BUB3: variants seen among roughly 807,000 people sequenced by gnomAD.
BUB3 encodes mitotic checkpoint protein BUB3.
BUB3 carries 22 observed loss-of-function variants against 39.9 expected under a neutral mutation model. The observed-to-expected ratio is 0.55, with a 90% CI of 0.39 to 0.79. The LOEUF is 0.79. BUB3 is among the 30% of genes least tolerant of loss of function. BUB3 has a pLI of 0.00. For missense variants in BUB3, 303 were observed against 415.4 expected, an observed-to-expected ratio of 0.73 and a Z score of 2.35; for synonymous variants, 168 against 155.1, an observed-to-expected ratio of 1.08 and a Z score of -0.62.
At position 123,162,722 on chromosome 10, in the gene BUB3, A is replaced by G. The variant is rs1844441053; in HGVS notation, c.865A>G (p.Thr289Ala). ...IASLAFSNDG[T>A]TLAIASSYMY... is the part of the protein sequence containing the mutation. The stretch of plus-strand genomic sequence containing the variant: ...ATCACTTGCCTTCAGTAATGATGGG[A>G]CTACGCTTGCAATAGCGTCATCATA... Residue 289 changes from threonine to alanine, a missense_variant, in exon 7 of 8, where the codon ACT becomes GCT. By Grantham distance (58) the Thr-to-Ala change is moderately conservative. Transcript: ENST00000368865. The G allele has an allele frequency of 1.2e-6, 2 of 1,613,974 alleles. No homozygotes were observed.
chr10:123,163,689 T>C, intron 7 of BUB3, 131 bp from the exon 8 acceptor site: 1 of 765,676 alleles, frequency 1.3e-6, no homozygotes, highest in Non-Finnish European at 2.1e-6. Context: ...GGTTTGACTT[T>C]AGAAAAGTCT....
chr10:123,164,424 G>T lies in BUB3; in HGVS notation c.*589G>T. 1.0e-6 allele frequency: 1 copy of T among 985,602 alleles called. No individual in the cohort carries two copies. Among genetic ancestry groups the T allele is most frequent in the Non-Finnish European group, 1.2e-6 (1 of 830,088 alleles). 61.1% of individuals were successfully genotyped at this position (985,602 alleles called of 1,614,324 possible). A position where few individuals can be genotyped will look rare whatever the true frequency, so the allele number is the denominator to read the frequency against. On this transcript the variant is annotated 3_prime_UTR_variant, in exon 8 of 8. Coordinates refer to ENST00000368865, the MANE Select transcript of BUB3 (RefSeq NM_004725.4). Reference sequence around the variant, plus strand: ...TCAGCTAGTTTTCAATCTTATTAGGGTGCAGAAGGAAAACTAATAAGAAAA... The same window carrying T: ...TCAGCTAGTTTTCAATCTTATTAGGTTGCAGAAGGAAAACTAATAAGAAAA...
In BUB3 at chr10:123,160,094, C is replaced by T. The variant is rs147469636; in HGVS notation, c.418-313C>T. On this transcript the variant is annotated intron_variant, in intron 4 of 7. Transcript: ENST00000368865. The stretch of plus-strand genomic sequence containing the variant: ...ACTTTTATGTTGTCTCTAAATGAAA[C>T]ATGAAGGCTAGGAAAAATAGTTTAA... 5.9e-3 allele frequency among the ~76,000 whole-genome samples: 902 copies of T among 152,008 alleles called. 9 individuals carry two copies. The highest frequency in any genetic ancestry group is 0.021 in the African/African-American group (857 of 41,420).
At chr10:123,160,992 T>G (rs1844414981) in intron 5 of BUB3, among the ~76,000 whole-genome samples, 1 of 152,196 alleles carries the variant, frequency 6.6e-6, no homozygotes, top group Admixed American at 6.5e-5. Context: ...CCCTAATGCT[T>G]ATGGAGTTCT....
chr10:123,163,678 A>G (rs1844452754), intron 7 of BUB3, 142 bp from the exon 8 acceptor site: 1 of 673,750 alleles, frequency 1.5e-6, no homozygotes, highest in Non-Finnish European at 2.5e-6. Flanking sequence ...ATGCTTTTAC[A>G]GGTTTGACTT....
Position 123,163,817 on chromosome 10 carries a change from T to C in BUB3, c.972-3T>C. Reference sequence around the variant, plus strand: ...CTGTTCTTTTTTTCTTTTGAACTTGTAGGTCACCATGTACTTGACAAGATT... The same window carrying C: ...CTGTTCTTTTTTTCTTTTGAACTTGCAGGTCACCATGTACTTGACAAGATT... On this transcript the variant is annotated splice_polypyrimidine_tract_variant and splice_region_variant and intron_variant, in intron 7 of 7. Transcript: ENST00000368865. 6.2e-7 allele frequency: 1 copy of C among 1,607,168 alleles called. No homozygotes were observed. Among genetic ancestry groups the C allele is most frequent in the Non-Finnish European group, 8.5e-7 (1 of 1,174,554 alleles).
intron 1 of BUB3, 82 bp from the exon 2 acceptor site, chr10:123,154,836 T>TG (rs893424103): frequency 6.8e-7 from 1 of 1,476,960 alleles, no homozygotes. Context: ...CCCCTCCCTC[T>TG]GGGGGGACCC....
chr10:123,154,786 C>A, intron 1 of BUB3, 132 bp from the exon 2 acceptor site: 1 of 986,490 alleles, frequency 1.0e-6, no homozygotes, highest in South Asian at 1.7e-5. Context: ...GTGCTCGGCG[C>A]AGGCGCAAGC....
At chr10:123,154,887 C>A in intron 1 of BUB3, 31 bp from the exon 2 acceptor site, 2 of 1,587,690 alleles carry the variant, frequency 1.3e-6, no homozygotes, top group East Asian at 2.3e-5. Context: ...GCCCGCGGGA[C>A]CCCTGGGGAC....
rs1053521535 is a variant in BUB3 at position 123,164,319 on chromosome 10, G to A, written c.*484G>A. Reference sequence around the variant, plus strand: ...AATTAAACAATATTTCCTCTTGGCCGTCCATTATTTTCTGAAGCAGATGGT... The same window carrying A: ...AATTAAACAATATTTCCTCTTGGCCATCCATTATTTTCTGAAGCAGATGGT... On this transcript the variant is annotated 3_prime_UTR_variant, in exon 8 of 8. Coordinates refer to ENST00000368865, the MANE Select transcript of BUB3 (RefSeq NM_004725.4). The A allele has an allele frequency of 8.1e-6, 8 of 985,706 alleles. No homozygotes were observed. The East Asian group carries it at 3.4e-4, about 42-fold the overall frequency. 61.1% of individuals were successfully genotyped at this position (985,706 alleles called of 1,614,324 possible).
Position 123,167,814 on chromosome 10 carries a change from A to T in BUB3, c.*3979A>T, listed in dbSNP as rs1481318984. On this transcript the variant is annotated 3_prime_UTR_variant, in exon 8 of 8. Coordinates refer to ENST00000368865, the MANE Select transcript of BUB3 (RefSeq NM_004725.4). ...TATTTGATGAAAATTGTATATATTT[A>T]AGGTATATAATGTTTTGATACATGT... 2 of 152,198 alleles carry T rather than the reference A, an allele frequency of 1.3e-5. No individual in the cohort carries two copies. Among genetic ancestry groups the T allele is most frequent in the Non-Finnish European group, 2.9e-5 (2 of 68,026 alleles). The allele number at this position is 152,198 out of a possible 1,614,324, so 9.4% of individuals were successfully genotyped here. A position where few individuals can be genotyped will look rare whatever the true frequency, so the allele number is the denominator to read the frequency against.
intron 5 of BUB3, among the ~76,000 whole-genome samples, chr10:123,161,738 CTT>C (rs1844426208): frequency 6.6e-6 from 1 of 152,268 alleles, no homozygotes; most frequent in South Asian, 2.1e-4. Context: ...CCCTGAAAGT[CTT>C]TGTGCAAACC....
Position 123,164,859 on chromosome 10 carries a change from A to G in BUB3, c.*1024A>G. Reference sequence around the variant, plus strand: ...TAGTATTTTTGTTGTCAAACTTTAAAATTTATATTAATTTGCAAATGTATG... The same window carrying G: ...TAGTATTTTTGTTGTCAAACTTTAAGATTTATATTAATTTGCAAATGTATG... On this transcript the variant is annotated 3_prime_UTR_variant, in exon 8 of 8. Coordinates refer to ENST00000368865, the MANE Select transcript of BUB3 (RefSeq NM_004725.4). 1 of 1,357,574 alleles carries G rather than the reference A, an allele frequency of 7.4e-7. No individual in the cohort carries two copies. The highest frequency in any genetic ancestry group is 9.5e-7 in the Non-Finnish European group (1 of 1,056,688). 84.1% of individuals were successfully genotyped at this position (1,357,574 alleles called of 1,614,324 possible). A position where few individuals can be genotyped will look rare whatever the true frequency, so the allele number is the denominator to read the frequency against.
intron 1 of BUB3, 82 bp from the exon 2 acceptor site, chr10:123,154,836 T>A (rs1222637958): frequency 1.4e-6 from 2 of 1,476,844 alleles, no homozygotes; most frequent in African/African-American, 2.8e-5. Flanking sequence ...CCCCTCCCTC[T>A]GGGGGGACCC....
At chr10:123,156,642 G>A (rs149744889) in intron 3 of BUB3, among the ~76,000 whole-genome samples, 5 of 152,288 alleles carry the variant, frequency 3.3e-5, no homozygotes, top group African/African-American at 1.2e-4. Context: ...TAGGGGTAGG[G>A]AGAAACACTG....
chr10:123,157,213 C>G (rs899136033), intron 3 of BUB3, among the ~76,000 whole-genome samples: 2 of 152,204 alleles, frequency 1.3e-5, no homozygotes, highest in African/African-American at 4.8e-5. Context: ...GGACTTCACT[C>G]CCAGTTCTCA....
intron 5 of BUB3, 81 bp downstream of exon 5, chr10:123,160,646 T>A: frequency 8.0e-7 from 1 of 1,256,628 alleles, no homozygotes; most frequent in Non-Finnish European, 1.0e-6. Context: ...CACTAGCCCC[T>A]AAAGCCTTCT....
chr10:123,164,342 G>A lies in BUB3; in HGVS notation c.*507G>A. Reference sequence around the variant, plus strand: ...CCGTCCATTATTTTCTGAAGCAGATGGTTCATCATTTCCTGGGCTGTTAAA... The same window carrying A: ...CCGTCCATTATTTTCTGAAGCAGATAGTTCATCATTTCCTGGGCTGTTAAA... On this transcript the variant is annotated 3_prime_UTR_variant, in exon 8 of 8. Transcript: ENST00000368865. The A allele has an allele frequency of 3.0e-6, 3 of 985,822 alleles. No homozygotes were observed. The highest frequency in any genetic ancestry group is 3.6e-6 in the Non-Finnish European group (3 of 830,332). The allele number at this position is 985,822 out of a possible 1,614,324, so 61.1% of individuals were successfully genotyped here. A position where few individuals can be genotyped will look rare whatever the true frequency, so the allele number is the denominator to read the frequency against.
chr10:123,157,667 A>G, intron 3 of BUB3, 62 bp from the exon 4 acceptor site: 1 of 1,465,596 alleles, frequency 6.8e-7, no homozygotes, highest in African/African-American at 1.4e-5. Flanking sequence ...TTATTTTAGG[A>G]ATCTTTAGTA....
Sources: allele counts gnomAD v4.1 joint callset (sites outside exome capture counted in the v4.1 genomes callset), GRCh38; gene constraint gnomAD v4.1.1; transcripts MANE v1.5; gene names NCBI Gene and HGNC (gene_info 2026-07-23, HGNC 2026-07-21).